Variants in AGT observed in about 807,000 individuals in gnomAD.
AGT encodes the protein angiotensinogen.
Under a neutral mutation model 28.1 loss-of-function variants are expected in AGT, and 26 were observed. The ratio of observed to expected loss-of-function variants is 0.92; its 90% confidence interval spans 0.68 to 1.28. AGT has a LOEUF of 1.28. Ranked by LOEUF, AGT falls within the 50% of genes most tolerant of loss-of-function variation. AGT has a pLI of 0.00. For missense variants in AGT, 596 were observed against 592.3 expected, an observed-to-expected ratio of 1.01 and a Z score of -0.06; for synonymous variants, 259 against 259.6, an observed-to-expected ratio of 1.00 and a Z score of 0.02.
upstream of AGT, among the ~76,000 whole-genome samples, chr1:230,717,442 T>A (rs996104681): frequency 6.6e-6 from 1 of 152,138 alleles, no homozygotes; most frequent in Non-Finnish European, 1.5e-5. Context: ...TTTATTTATG[T>A]ATATGATGCA....
intron 1 of AGT, among the ~76,000 whole-genome samples, chr1:230,745,317 C>T (rs2478540): frequency 0.46 from 69,217 of 151,934 alleles, 17,542 homozygotes; most frequent in African/African-American, 0.68. Flanking sequence ...AGTGGCTTTG[C>T]TTCCACAAAC....
At chr1:230,738,729 G>T (rs931064534) in intron 1 of AGT, among the ~76,000 whole-genome samples, 1 of 152,190 alleles carries the variant, frequency 6.6e-6, no homozygotes, top group African/African-American at 2.4e-5. Flanking sequence ...GGGAAAGGAT[G>T]AGATGCATAA....
chr1:230,704,058 C>A, intron 4 of AGT, 135 bp downstream of exon 4: 9 of 1,351,030 alleles, frequency 6.7e-6, no homozygotes, highest in South Asian at 1.2e-5. Context: ...TTCTCTCCCA[C>A]CTTTGGCCCT....
At chr1:230,740,756 C>T (rs1460549434) in intron 1 of AGT, among the ~76,000 whole-genome samples, 1 of 152,164 alleles carries the variant, frequency 6.6e-6, no homozygotes, top group Non-Finnish European at 1.5e-5. Flanking sequence ...CAAGACCATC[C>T]TGGCCAACAT....
chr1:230,738,881 A>G (rs1028331193), intron 1 of AGT, among the ~76,000 whole-genome samples: 2 of 152,202 alleles, frequency 1.3e-5, no homozygotes, highest in Non-Finnish European at 1.5e-5. Flanking sequence ...AAACCCAGTA[A>G]TATTGTACAC....
chr1:230,710,117 T>C lies in AGT; in HGVS notation c.707A>G (p.Asp236Gly), dbSNP rs1443135544. ...LPRSLDFTELDVAAEKIDRFM... is the reference protein window; with the variant it reads ...LPRSLDFTELGVAAEKIDRFM... ...CCTGTCAATCTTCTCAGCAGCAACA[T>C]CCAGTTCTGTGAAGTCCAGAGAGCG... Residue 236 changes from aspartate to glycine, a missense_variant, in exon 2 of 5, where the codon GAT becomes GGT. Coordinates refer to ENST00000366667, the MANE Select transcript of AGT (RefSeq NM_001384479.1). The C allele has an allele frequency of 1.9e-6, 3 of 1,614,042 alleles. No homozygotes were observed.
intron 2 of AGT, 48 bp from the exon 3 acceptor site, chr1:230,706,248 G>A: frequency 6.2e-7 from 1 of 1,600,704 alleles, no homozygotes; most frequent in Non-Finnish European, 8.5e-7. Context: ...CCAAGACAGG[G>A]GCAGGAATGA....
intron 2 of AGT, among the ~76,000 whole-genome samples, chr1:230,709,511 T>C (rs951809628): frequency 1.3e-5 from 2 of 152,156 alleles, no homozygotes; most frequent in Non-Finnish European, 1.5e-5. Flanking sequence ...TGAAAGGGAT[T>C]TAAGCAAGCC....
chr1:230,707,732 A>G (rs1000492365), intron 2 of AGT, among the ~76,000 whole-genome samples: 1 of 152,224 alleles, frequency 6.6e-6, no homozygotes, highest in Non-Finnish European at 1.5e-5. Context: ...AAACTAAACT[A>G]AAAAAGGGAA....
At chr1:230,737,977 CT>C (rs1664184857) in intron 1 of AGT, among the ~76,000 whole-genome samples, 1 of 151,710 alleles carries the variant, frequency 6.6e-6, no homozygotes, top group Non-Finnish European at 1.5e-5. Context: ...TGACTTGCTT[CT>C]TTCAGTTAGC....
At chr1:230,727,606 C>A (rs1264748972) in intron 1 of AGT, among the ~76,000 whole-genome samples, 1 of 152,154 alleles carries the variant, frequency 6.6e-6, no homozygotes, top group African/African-American at 2.4e-5. Context: ...GAAATCAAGA[C>A]CCTAAGTAAC....
intron 1 of AGT, among the ~76,000 whole-genome samples, chr1:230,712,831 G>A (rs545607260): frequency 3.3e-5 from 5 of 152,220 alleles, no homozygotes; most frequent in South Asian, 4.1e-4. Flanking sequence ...CTGGGGTGGC[G>A]GGCCTGACAC....
upstream of AGT, among the ~76,000 whole-genome samples, chr1:230,714,732 C>A (rs1257060606): frequency 1.3e-5 from 2 of 152,218 alleles, no homozygotes; most frequent in African/African-American, 4.8e-5. Flanking sequence ...AACAATAGCA[C>A]AGCCAGATTG....
At chr1:230,745,121 A>C (rs1159272919) in intron 1 of AGT, among the ~76,000 whole-genome samples, 1 of 152,230 alleles carries the variant, frequency 6.6e-6, no homozygotes, top group Non-Finnish European at 1.5e-5. Context: ...AGAGGACCCC[A>C]GTTCCAAAGT....
At chr1:230,713,598 C>T (rs1339956039) in intron 1 of AGT, among the ~76,000 whole-genome samples, 1 of 152,160 alleles carries the variant, frequency 6.6e-6, no homozygotes, top group African/African-American at 2.4e-5. Flanking sequence ...GTGAGCAAAT[C>T]GAGGTTCAGG....
intron 1 of AGT, among the ~76,000 whole-genome samples, chr1:230,738,337 G>A (rs549097933): frequency 3.3e-5 from 5 of 152,266 alleles, no homozygotes; most frequent in South Asian, 4.1e-4. Context: ...AATTACCCAC[G>A]TTAAACAAGA....
Position 230,728,823 on chromosome 1 carries a change from AAC to A in AGT, c.-31+16690_-31+16691del, listed in dbSNP as rs1663999994. On this transcript the variant is annotated intron_variant, in intron 1 of 4. Transcript: ENST00000681269. ...ACATCCTCTTTTACTAATGCCAGGA[AAC>A]ACATCCAACACAACCTTATACTCCC... 2.0e-5 allele frequency among the ~76,000 whole-genome samples: 3 copies of A among 152,314 alleles called. No homozygotes were observed. The South Asian group carries it at 6.2e-4, about 32-fold the overall frequency.
rs370335267 is a variant in AGT, at chr1:230,710,722, G to T, written c.102C>A (p.Leu34=). The change falls in exon 2 of 5, where the codon CTC becomes CTA. Residue 34 remains leucine, a synonymous_variant. Coordinates refer to ENST00000366667, the MANE Select transcript of AGT (RefSeq NM_001384479.1). ...GDRVYIHPFH[L]VIHNESTCEQ... is the part of the protein sequence containing the mutation. ...CACAGGTACTCTCATTGTGGATGAC[G>T]AGGTGGAAGGGGTGTATGTACACCC... 6.2e-7 allele frequency: 1 copy of T among 1,613,960 alleles called. No homozygotes were observed. The highest frequency in any genetic ancestry group is 8.5e-7 in the Non-Finnish European group (1 of 1,179,956).
chr1:230,705,874 C>A, intron 3 of AGT, 59 bp downstream of exon 3: 1 of 1,605,670 alleles, frequency 6.2e-7, no homozygotes, highest in Non-Finnish European at 8.5e-7. Context: ...CCACCCCGCC[C>A]CCAGCCTGGG....
Sources: allele counts gnomAD v4.1 joint callset (sites outside exome capture counted in the v4.1 genomes callset), GRCh38; gene constraint gnomAD v4.1.1; transcripts MANE v1.5; gene names NCBI Gene and HGNC (gene_info 2026-07-23, HGNC 2026-07-21).